Variants in ZPLD1 observed in about 807,000 individuals in gnomAD.
The protein encoded by ZPLD1 is zona pellucida like domain containing 1.
ZPLD1 carries 34 observed loss-of-function variants against 47.2 expected under a neutral mutation model. The observed-to-expected ratio is 0.72, with a 90% CI of 0.55 to 0.96. The LOEUF is 0.96. ZPLD1 is among the 40% of genes least tolerant of loss of function. The pLI is 0.00. For synonymous variants in ZPLD1, 176 were observed against 186.2 expected (o/e 0.95, Z 0.45); for missense variants, 512 against 505.8 (o/e 1.01, Z -0.12).
intron 8 of ZPLD1, among the ~76,000 whole-genome samples, chr3:102,428,417 A>G (rs1378855008): frequency 6.6e-6 from 1 of 152,176 alleles, no homozygotes; most frequent in Non-Finnish European, 1.5e-5. Context: ...TAATATTCAA[A>G]TAAAATAGCT....
intron 4 of ZPLD1, among the ~76,000 whole-genome samples, chr3:102,454,135 C>T (rs11720144): frequency 0.35 from 53,860 of 152,072 alleles, 9,898 homozygotes; most frequent in Middle Eastern, 0.47. Flanking sequence ...TTCTGAGACT[C>T]AGTGGGAGAT....
intron 8 of ZPLD1, among the ~76,000 whole-genome samples, chr3:102,426,306 T>G (rs1006611313): frequency 3.9e-5 from 6 of 152,024 alleles, no homozygotes; most frequent in African/African-American, 1.4e-4. Flanking sequence ...TCGCCTGAGG[T>G]CAGTAGTTTG....
chr3:102,445,926 A>C (rs1707249418), intron 3 of ZPLD1, among the ~76,000 whole-genome samples: 1 of 152,194 alleles, frequency 6.6e-6, no homozygotes, highest in South Asian at 2.1e-4. Context: ...TTATTTAATG[A>C]GTTGCATTTT....
upstream of ZPLD1, chr3:102,434,939 A>G (rs1311581252): frequency 1.3e-5 from 8 of 626,632 alleles, no homozygotes; most frequent in Non-Finnish European, 2.2e-5. Flanking sequence ...CAGAGCTAAA[A>G]TACACATGTC....
At chr3:102,445,204 A>G (rs548358472) in intron 3 of ZPLD1, among the ~76,000 whole-genome samples, 2 of 152,252 alleles carry the variant, frequency 1.3e-5, no homozygotes, top group African/African-American at 2.4e-5. Context: ...CCTGTTCCCA[A>G]TTTTGTTTCA....
chr3:102,431,562 C>T (rs191624196), upstream of ZPLD1, among the ~76,000 whole-genome samples: 1 of 152,238 alleles, frequency 6.6e-6, no homozygotes, highest in African/African-American at 2.4e-5. Flanking sequence ...CTAGACACCC[C>T]ATCAGAGAAC....
intron 8 of ZPLD1, among the ~76,000 whole-genome samples, chr3:102,418,837 A>G (rs1002962377): frequency 2.0e-5 from 3 of 152,030 alleles, no homozygotes; most frequent in South Asian, 4.1e-4. Context: ...GTTAAAATTG[A>G]CACAGAATCT....
At chr3:102,457,949 A>T in intron 6 of ZPLD1, 96 bp downstream of exon 6, 1 of 1,187,592 alleles carries the variant, frequency 8.4e-7, no homozygotes, top group Non-Finnish European at 1.2e-6. Context: ...TGAAAGCCAC[A>T]TTAACCCTGT....
At chr3:102,391,642 C>T (rs1412912590) in intron 6 of ZPLD1, among the ~76,000 whole-genome samples, 3 of 152,054 alleles carry the variant, frequency 2.0e-5, no homozygotes, top group Non-Finnish European at 4.4e-5. Flanking sequence ...CTAAGTGAGC[C>T]ATCTGGGAAG....
intron 8 of ZPLD1, among the ~76,000 whole-genome samples, chr3:102,427,880 T>A (rs1160125584): frequency 6.6e-6 from 1 of 152,214 alleles, no homozygotes; most frequent in African/African-American, 2.4e-5. Context: ...TAAAGCATTT[T>A]TTTTTCTTAA....
rs1300508437 is a variant in ZPLD1, at chr3:102,477,528, T to C, written c.1158T>C (p.Phe386=). Reference sequence around the variant, plus strand: ...TGGTCATTCTGGGAGTTACGAGCTTTTCTCTTCTTCTGTGCTCACTGGCCC... The same window carrying C: ...TGGTCATTCTGGGAGTTACGAGCTTCTCTCTTCTTCTGTGCTCACTGGCCC... ...SGMVILGVTS[F]SLLLCSLALL... The change falls in exon 12 of 12, where the codon TTT becomes TTC. Residue 386 remains phenylalanine, a synonymous_variant. Transcript: ENST00000466937. 1 of 1,613,876 alleles carries C rather than the reference T, an allele frequency of 6.2e-7. No homozygotes were observed. The highest frequency in any genetic ancestry group is 1.1e-5 in the South Asian group (1 of 91,082).
At chr3:102,473,940 G>C (rs187380740) in intron 10 of ZPLD1, among the ~76,000 whole-genome samples, 10 of 152,106 alleles carry the variant, frequency 6.6e-5, no homozygotes, top group African/African-American at 2.4e-4. Context: ...TCTCTTCAAA[G>C]CTCTCTGATG....
intron 7 of ZPLD1, among the ~76,000 whole-genome samples, chr3:102,414,318 T>C (rs1208800891): frequency 2.0e-5 from 3 of 151,870 alleles, no homozygotes; most frequent in Non-Finnish European, 4.4e-5. Context: ...AATAGAAATA[T>C]GATTAGAACA....
intron 7 of ZPLD1, among the ~76,000 whole-genome samples, chr3:102,399,807 T>G (rs887406316): frequency 5.9e-5 from 9 of 151,972 alleles, no homozygotes; most frequent in African/African-American, 1.4e-4. Context: ...TCAGAGAGTT[T>G]GTTTGTTTGT....
At chr3:102,396,624 G>A (rs2107288393) in intron 7 of ZPLD1, among the ~76,000 whole-genome samples, 1 of 152,296 alleles carries the variant, frequency 6.6e-6, no homozygotes, top group East Asian at 1.9e-4. Flanking sequence ...GTCCCGATGA[G>A]GACACTAAGG....
chr3:102,472,384 T>G (rs1326273473), intron 10 of ZPLD1, among the ~76,000 whole-genome samples: 2 of 152,008 alleles, frequency 1.3e-5, no homozygotes, highest in African/African-American at 4.8e-5. Flanking sequence ...ATACAGAAAT[T>G]AGCCAGGTGT....
chr3:102,477,125 T>C, intron 11 of ZPLD1, 84 bp downstream of exon 11: 1 of 1,488,216 alleles, frequency 6.7e-7, no homozygotes, highest in Non-Finnish European at 9.4e-7. Flanking sequence ...TGTAATGAGC[T>C]TGAGTTTTCC....
At chr3:102,409,946 G>A (rs1226526681) in intron 7 of ZPLD1, among the ~76,000 whole-genome samples, 1 of 151,684 alleles carries the variant, frequency 6.6e-6, no homozygotes, top group African/African-American at 2.4e-5. Flanking sequence ...ATAACCAAGA[G>A]GCATGATTTA....
chr3:102,463,909 G>A lies in ZPLD1; in HGVS notation c.681-262G>A, dbSNP rs201166850. Among the ~76,000 whole-genome samples the A allele has an allele frequency of 1.1e-3, 171 of 149,704 alleles. 5 individuals are homozygous for A. In the East Asian group the frequency reaches 0.028, roughly 24 times the overall value. ...AAAAAAAAAAAAAAAAAATAGCCGG[G>A]CTTGGTGGCGGGCGCCTGTAGTCCC... On this transcript the variant is annotated intron_variant, in intron 7 of 11. Coordinates refer to ENST00000466937, the MANE Select transcript of ZPLD1 (RefSeq NM_001329788.2).
Sources: gnomAD v4.1 joint callset for allele counts (sites outside exome capture counted in the v4.1 genomes callset) on GRCh38, gnomAD v4.1.1 for gene constraint, MANE v1.5 for transcripts, NCBI Gene and HGNC (gene_info 2026-07-23, HGNC 2026-07-21) for gene names.